GLIS3: variants seen among roughly 807,000 people sequenced by gnomAD.
The protein encoded by GLIS3 is GLIS family zinc finger 3.
Under a neutral mutation model 78.6 loss-of-function variants are expected in GLIS3, and 53 were observed. That is an observed-to-expected ratio of 0.67 (90% CI 0.54 to 0.85). GLIS3 has a LOEUF of 0.85. GLIS3 is among the 40% of genes least tolerant of loss of function. GLIS3 has a pLI of 0.00. For synonymous variants in GLIS3, 684 were observed against 509.9 expected, an observed-to-expected ratio of 1.34 and a Z score of -4.60; for missense variants, 1,703 against 1,231.1, an observed-to-expected ratio of 1.38 and a Z score of -5.74.
chr9:4,429,200 G>A, the GLIS3 span, among the ~76,000 whole-genome samples: 3 of 152,066 alleles, frequency 2.0e-5, no homozygotes, highest in African/African-American at 7.2e-5. Context: ...ATTTTATCAT[G>A]TTGCACCTAC....
intron 4 of GLIS3, among the ~76,000 whole-genome samples, chr9:4,096,336 C>T (rs1829946595): frequency 6.6e-6 from 1 of 152,148 alleles, no homozygotes; most frequent in African/African-American, 2.4e-5. Context: ...TGAATCACTC[C>T]TACATAGTCC....
At chr9:4,256,785 A>T (rs1824984867) in intron 2 of GLIS3, among the ~76,000 whole-genome samples, 2 of 122,982 alleles carry the variant, frequency 1.6e-5, no homozygotes, top group Admixed American at 1.9e-4. Context: ...ACAAAAGAGT[A>T]CGGAAGCTCA....
At chr9:4,275,658 G>C (rs1826917442) in intron 2 of GLIS3, among the ~76,000 whole-genome samples, 1 of 151,990 alleles carries the variant, frequency 6.6e-6, no homozygotes, top group Admixed American at 6.5e-5. Context: ...AGCTACATGG[G>C]AGGCTGAGGT....
At chr9:3,879,330 C>T (rs374074567) in intron 8 of GLIS3, 97 bp downstream of exon 8, 47 of 1,217,254 alleles carry the variant, frequency 3.9e-5, no homozygotes, top group Middle Eastern at 5.4e-4. Flanking sequence ...AACCCACCAA[C>T]GGATTATTAA....
chr9:4,133,498 C>A (rs900177391), intron 2 of GLIS3, among the ~76,000 whole-genome samples: 3 of 152,100 alleles, frequency 2.0e-5, no homozygotes, highest in Non-Finnish European at 4.4e-5. Context: ...GAGAGGTTAA[C>A]AGTACATAAC....
intron 2 of GLIS3, among the ~76,000 whole-genome samples, chr9:4,337,810 ATCTTTCAGATATGTTG>A (rs1245132180): frequency 6.6e-6 from 1 of 152,172 alleles, no homozygotes; most frequent in African/African-American, 2.4e-5. Flanking sequence ...TCCACTATCC[ATCTTTCAGATATGTTG>A]TATCATTTAA....
At chr9:4,387,364 G>T in the GLIS3 span, among the ~76,000 whole-genome samples, 6 of 151,968 alleles carry the variant, frequency 3.9e-5, no homozygotes, top group Admixed American at 3.9e-4. Context: ...AAAACTTACG[G>T]CCTTAGTGCC....
intron 8 of GLIS3, among the ~76,000 whole-genome samples, chr9:3,867,570 A>G (rs1484295726): frequency 1.3e-5 from 2 of 152,276 alleles, no homozygotes; most frequent in Non-Finnish European, 2.9e-5. Context: ...TAAAGAAAAC[A>G]AAATAGGAAG....
chr9:4,481,657 C>A, the GLIS3 span, among the ~76,000 whole-genome samples: 1 of 152,104 alleles, frequency 6.6e-6, no homozygotes, highest in Admixed American at 6.6e-5. Flanking sequence ...TACTTTTACA[C>A]ACTTAATCTT....
intron 2 of GLIS3, among the ~76,000 whole-genome samples, chr9:4,145,819 G>C (rs916436515): frequency 2.6e-5 from 4 of 151,774 alleles, no homozygotes; most frequent in African/African-American, 9.7e-5. Context: ...GACTCCCAGA[G>C]AGAGTAATCT....
intron 4 of GLIS3, among the ~76,000 whole-genome samples, chr9:4,067,570 AT>A (rs1053420562): frequency 6.6e-6 from 1 of 152,176 alleles, no homozygotes; most frequent in Admixed American, 6.6e-5. Context: ...AAAGGAGAAT[AT>A]TTTTTAGAAT....
At chr9:4,220,686 G>A (rs941528234) in intron 2 of GLIS3, among the ~76,000 whole-genome samples, 1 of 151,810 alleles carries the variant, frequency 6.6e-6, no homozygotes, top group African/African-American at 2.4e-5. Context: ...CCAGGAGCCA[G>A]GGGTTCAAGG....
chr9:4,417,048 T>C, the GLIS3 span, among the ~76,000 whole-genome samples: 8 of 152,170 alleles, frequency 5.3e-5, no homozygotes, highest in Non-Finnish European at 7.3e-5. Context: ...TTATGCATTT[T>C]TGTAAAACGT....
At chr9:4,321,956 G>A (rs1022038950) in intron 2 of GLIS3, among the ~76,000 whole-genome samples, 1 of 152,110 alleles carries the variant, frequency 6.6e-6, no homozygotes, top group Admixed American at 6.5e-5. Context: ...GTATACAAGT[G>A]CAGTGTTGGT....
At chr9:4,182,108 C>G (rs970163302) in intron 2 of GLIS3, among the ~76,000 whole-genome samples, 2 of 152,160 alleles carry the variant, frequency 1.3e-5, no homozygotes, top group Non-Finnish European at 2.9e-5. Flanking sequence ...AGAAGACAAG[C>G]AAAGAATAAA....
At chr9:3,937,713 C>T (rs1825974139) in intron 4 of GLIS3, among the ~76,000 whole-genome samples, 2 of 152,180 alleles carry the variant, frequency 1.3e-5, no homozygotes, top group South Asian at 2.1e-4. Flanking sequence ...ATTTCCTTAA[C>T]TATATTTGTA....
chr9:4,379,895 T>C, the GLIS3 span, among the ~76,000 whole-genome samples: 1 of 152,182 alleles, frequency 6.6e-6, no homozygotes, highest in African/African-American at 2.4e-5. Context: ...TGTATGCATC[T>C]GTATGTGTTT....
At position 3,827,968 on chromosome 9, in the gene GLIS3, C is replaced by A. The variant is rs1817814472; in HGVS notation, c.*304G>T. ...CATATGCACATCATTTCACTGGGGTCCTTTAAGGGTTGACAGCCAGGAAGT... is the reference window on the plus strand; with the variant it reads ...CATATGCACATCATTTCACTGGGGTACTTTAAGGGTTGACAGCCAGGAAGT... On this transcript the variant is annotated 3_prime_UTR_variant, in exon 11 of 11. Coordinates refer to ENST00000381971, the MANE Select transcript of GLIS3 (RefSeq NM_001042413.2). 2.3e-6 allele frequency: 1 copy of A among 426,382 alleles called. No individual in the cohort carries two copies. Among genetic ancestry groups the A allele is most frequent in the South Asian group, 2.2e-5 (1 of 45,660 alleles). The allele number at this position is 426,382 out of a possible 1,614,324, so 26.4% of individuals were successfully genotyped here.
chr9:4,376,480 CTATTTA>C, the GLIS3 span, among the ~76,000 whole-genome samples: 1 of 78,136 alleles, frequency 1.3e-5, no homozygotes, highest in Non-Finnish European at 3.2e-5. Context: ...TGACATATTT[CTATTTA>C]TGTTTAAACT....
Sources: gnomAD v4.1 joint callset for allele counts (sites outside exome capture counted in the v4.1 genomes callset) on GRCh38, gnomAD v4.1.1 for gene constraint, MANE v1.5 for transcripts, NCBI Gene and HGNC (gene_info 2026-07-23, HGNC 2026-07-21) for gene names.